Variants in MAMSTR observed in about 807,000 individuals in gnomAD.
The protein encoded by MAMSTR is MEF2 activating motif and SAP domain containing transcriptional regulator.
Under a neutral mutation model 42.7 loss-of-function variants are expected in MAMSTR, and 41 were observed. That is an observed-to-expected ratio of 0.96 (90% confidence interval 0.75 to 1.25). The LOEUF (loss-of-function observed/expected upper bound fraction) is 1.25, where lower values mean the gene tolerates loss of function less well. MAMSTR is among the 50% of genes most tolerant of loss of function. MAMSTR has a pLI of 0.00. For missense variants in MAMSTR, 567 were observed against 557.6 expected (o/e 1.02, Z -0.17); for synonymous variants, 265 against 244.1 (o/e 1.09, Z -0.80).
chr19:48,719,078 G>A lies in MAMSTR; in HGVS notation c.-21-26C>T. 3 of 1,531,872 alleles carry A rather than the reference G, an allele frequency of 2.0e-6. No individual in the cohort carries two copies. Among genetic ancestry groups the A allele is most frequent in the South Asian group, 2.4e-5 (2 of 83,724 alleles). The allele number at this position is 1,531,872 out of a possible 1,614,324, so 94.9% of individuals were successfully genotyped here. ...CTGGACGGAGAGGGGGCAGGGCAGG[G>A]GCCCCATAGAGGGCTGGCTCAGAGT... On this transcript the variant is annotated intron_variant, in intron 1 of 9. Coordinates refer to ENST00000318083, the MANE Select transcript of MAMSTR (RefSeq NM_001130915.2). This position sits in a 1 kb window ranked among gnomAD's most constrained non-coding sequence, Gnocchi z 4.4.
chr19:48,719,289 A>G lies in MAMSTR; in HGVS notation c.-21-237T>C, dbSNP rs1323676224. ...GACCCAGACACCTGGTCTGAAAGAC[A>G]GGGCTGAGGGTCTCAACCCTGGGAT... On this transcript the variant is annotated intron_variant, in intron 1 of 9. Coordinates refer to ENST00000318083, the MANE Select transcript of MAMSTR (RefSeq NM_001130915.2). This position sits in a 1 kb window ranked among gnomAD's most constrained non-coding sequence, Gnocchi z 4.4. Among the ~76,000 whole-genome samples the G allele has an allele frequency of 6.6e-6, 1 of 152,070 alleles. No homozygotes were observed. Among genetic ancestry groups the G allele is most frequent in the Non-Finnish European group, 1.5e-5 (1 of 67,998 alleles).
chr19:48,707,901 A>AAAAGAAAGGAAGG (rs1281685985), downstream of MAMSTR, among the ~76,000 whole-genome samples: 74 of 128,530 alleles, frequency 5.8e-4, no homozygotes, highest in Non-Finnish European at 7.9e-4. Flanking sequence ...AGAAAGAAAG[A>AAAAGAAAGGAAGG]AAGGAAGAAA....
In MAMSTR at chr19:48,714,557, A is replaced by G; in HGVS notation, c.532T>C (p.Ser178Pro). 1 of 1,462,170 alleles carries G rather than the reference A, an allele frequency of 6.8e-7. No individual in the cohort carries two copies. Among genetic ancestry groups the G allele is most frequent in the Non-Finnish European group, 8.9e-7 (1 of 1,119,844 alleles). The allele number at this position is 1,462,170 out of a possible 1,614,324, so 90.6% of individuals were successfully genotyped here. A position where few individuals can be genotyped will look rare whatever the true frequency, so the allele number is the denominator to read the frequency against. Residue 178 changes from serine (S) to proline (P), a missense_variant, in exon 7 of 10, where the codon TCA (serine) becomes CCA (proline). Transcript: ENST00000318083. ...QTLKLEELTV[S>P]ELRQQLRLRG... ...AGGCGCAGCTGCTGCCGGAGCTCTG[A>G]GACCTGGGGAGGGGCGGGGCGTGGG... is the stretch of plus-strand genomic sequence containing the variant.
downstream of MAMSTR, among the ~76,000 whole-genome samples, chr19:48,710,256 C>A (rs900713125): frequency 6.7e-6 from 1 of 148,766 alleles, no homozygotes; most frequent in Non-Finnish European, 1.5e-5. Context: ...AGGTGTGCAC[C>A]ACCACACCTG....
At position 48,719,214 on chromosome 19, in the gene MAMSTR, G is replaced by GA. The variant is rs1390041296; in HGVS notation, c.-21-163dup. Reference sequence around the variant, plus strand: ...CTTCCGGATCCCAGGGGCTGTAGAGGAGGGGGCTGCACACCCGGACACCTT... The same window carrying GA: ...CTTCCGGATCCCAGGGGCTGTAGAGGAAGGGGGCTGCACACCCGGACACCTT... On this transcript the variant is annotated intron_variant, in intron 1 of 9. Transcript: ENST00000318083. This position sits in a 1 kb window ranked among gnomAD's most constrained non-coding sequence, Gnocchi z 4.4. 3.3e-5 allele frequency among the ~76,000 whole-genome samples: 5 copies of GA among 152,234 alleles called. 1 individual carries two copies. The highest frequency in any genetic ancestry group is 3.4e-3 in the Middle Eastern group (1 of 292).
chr19:48,715,638 C>G lies in MAMSTR; in HGVS notation c.227G>C (p.Arg76Thr), dbSNP rs544005512. Residue 76 changes from arginine (R) to threonine (T), a missense_variant, in exon 4 of 10, where the codon AGG (arginine) becomes ACG (threonine). Transcript: ENST00000318083. Reference protein sequence around the residue: ...LPEPEYCPPWRSPKKESPKIS... With the variant: ...LPEPEYCPPWTSPKKESPKIS... ...GTCGAGACTCACCTTCTTTGGGGAC[C>G]TCCAAGGAGGACAATATTCTGGCTC... 1 of 1,542,864 alleles carries G rather than the reference C, an allele frequency of 6.5e-7. No homozygotes were observed. Among genetic ancestry groups the G allele is most frequent in the South Asian group, 1.2e-5 (1 of 83,070 alleles).
chr19:48,710,303 T>G (rs113860076), downstream of MAMSTR, among the ~76,000 whole-genome samples: 1,895 of 147,432 alleles, frequency 0.013, 30 homozygotes, highest in African/African-American at 0.044. Context: ...TTAGTAGATA[T>G]GGGGTTTTAG....
intron 6 of MAMSTR, 47 bp from the exon 7 acceptor site, chr19:48,714,607 C>A (rs1191986595): frequency 6.9e-7 from 1 of 1,443,988 alleles, no homozygotes; most frequent in Non-Finnish European, 9.1e-7. Flanking sequence ...GGCGGGCTCC[C>A]GGGCGCAGGC....
downstream of MAMSTR, among the ~76,000 whole-genome samples, chr19:48,711,559 G>GTTGTTTGTTTGTTTGTTTGT (rs57913334): frequency 1.3e-5 from 2 of 150,312 alleles, no homozygotes; most frequent in African/African-American, 4.9e-5. Context: ...GTGGGTTTTT[G>GTTGTTTGTTTGTTTGTTTGT]TTGTTTGTTT....
At position 48,714,786 on chromosome 19, in the gene MAMSTR, A is replaced by G. The variant is rs758258983; in HGVS notation, c.528+20T>C. ...CACCGAAGGAGAGAGAAGGCCTGGA[A>G]AGTTACACCCCAAACTCACCGTCAG... On this transcript the variant is annotated intron_variant, in intron 6 of 9. Coordinates refer to ENST00000318083, the MANE Select transcript of MAMSTR (RefSeq NM_001130915.2). 2 of 1,561,196 alleles carry G rather than the reference A, an allele frequency of 1.3e-6. No individual in the cohort carries two copies. The highest frequency in any genetic ancestry group is 1.8e-6 in the Non-Finnish European group (2 of 1,130,952).
Position 48,714,433 on chromosome 19 carries a change from C to T in MAMSTR, c.656G>A (p.Ser219Asn). 5 of 1,385,408 alleles carry T rather than the reference C, an allele frequency of 3.6e-6. No homozygotes were observed. The highest frequency in any genetic ancestry group is 2.8e-6 in the Non-Finnish European group (3 of 1,081,368). The allele number at this position is 1,385,408 out of a possible 1,614,324, so 85.8% of individuals were successfully genotyped here. ...RERPKPRREDSPAGAPWPRLK... is the reference protein window; with the variant it reads ...RERPKPRREDNPAGAPWPRLK... ...GCGCGGCCAGGGAGCACCCGCGGGA[C>T]TGTCCTCGCGCCGCGGCTTCGGCCG... The change falls in exon 7 of 10, where the codon AGT becomes AAT. Residue 219 changes from serine (S) to asparagine (N), a missense_variant. Coordinates refer to ENST00000318083, the MANE Select transcript of MAMSTR (RefSeq NM_001130915.2).
downstream of MAMSTR, among the ~76,000 whole-genome samples, chr19:48,709,887 TG>T (rs796506464): frequency 1.7e-4 from 26 of 152,208 alleles, no homozygotes; most frequent in East Asian, 3.5e-3. Flanking sequence ...ATTATTTCTT[TG>T]AGACAGAGTC....
At chr19:48,714,963 C>A (rs1230151334) in intron 5 of MAMSTR, 55 bp from the exon 6 acceptor site, 1 of 1,156,004 alleles carries the variant, frequency 8.7e-7, no homozygotes, top group Non-Finnish European at 1.2e-6. Context: ...GGGGAAAAGG[C>A]GTTCTGGGGT....
At chr19:48,710,500 C>A (rs767433331), downstream of MAMSTR, among the ~76,000 whole-genome samples, 3 of 147,848 alleles carry the variant, frequency 2.0e-5, no homozygotes, top group Non-Finnish European at 3.0e-5. Context: ...TAGCTCACTG[C>A]AACCTCAAAC....
chr19:48,719,052 C>A lies in MAMSTR; in HGVS notation c.-21G>T. ...GTCATTGCCAAGGCCGGGATGGGGA[C>A]CTGGACGGAGAGGGGGCAGGGCAGG... On this transcript the variant is annotated splice_region_variant and 5_prime_UTR_variant, in exon 2 of 10. Coordinates refer to ENST00000318083, the MANE Select transcript of MAMSTR (RefSeq NM_001130915.2). The surrounding 1 kb of genome is among the most constrained non-coding windows in gnomAD (Gnocchi z 4.4). 1 of 1,550,498 alleles carries A rather than the reference C, an allele frequency of 6.4e-7. No homozygotes were observed. The highest frequency in any genetic ancestry group is 1.2e-5 in the South Asian group (1 of 84,046).
chr19:48,708,231 CAAAAAAAAAAA>C (rs66744711), downstream of MAMSTR, among the ~76,000 whole-genome samples: 64 of 118,832 alleles, frequency 5.4e-4, no homozygotes, highest in East Asian at 2.2e-3. Context: ...TGAACTCCAT[CAAAAAAAAAAA>C]AAAAAAAAAA....
At chr19:48,716,628 T>C (rs929483630) in intron 3 of MAMSTR, 77 bp downstream of exon 3, 3 of 1,297,874 alleles carry the variant, frequency 2.3e-6, no homozygotes, top group Non-Finnish European at 3.0e-6. Flanking sequence ...ATGAGGGGTA[T>C]CTGGCAGCTG....
chr19:48,709,871 TTTATTA>T (rs1216671837), downstream of MAMSTR, among the ~76,000 whole-genome samples: 1 of 152,124 alleles, frequency 6.6e-6, no homozygotes, highest in Non-Finnish European at 1.5e-5. Context: ...TTTGTTTATT[TTTATTA>T]TTATTTCTTT....
At chr19:48,705,958 G>T in the MAMSTR span, 1 of 161,902 alleles carries the variant, frequency 6.2e-6, no homozygotes. Flanking sequence ...GGGAGAAAAG[G>T]TTCTCTGAGA....
Sources: allele counts gnomAD v4.1 joint callset (sites outside exome capture counted in the v4.1 genomes callset), GRCh38; gene constraint gnomAD v4.1.1; non-coding constraint Gnocchi (gnomAD v3.1); transcripts MANE v1.5; gene names NCBI Gene and HGNC (gene_info 2026-07-23, HGNC 2026-07-21).